The following FHIT variants were observed in gnomAD, a reference collection of about 807,000 sequenced individuals.
FHIT encodes the protein bis(5'-adenosyl)-triphosphatase.
A neutral mutation model predicts 17.9 loss-of-function variants in FHIT; 19 were observed. The ratio of observed to expected loss-of-function variants is 1.06; its 90% CI spans 0.74 to 1.56. The LOEUF (loss-of-function observed/expected upper bound fraction) is 1.56, where lower values mean the gene tolerates loss of function less well. Ranked by LOEUF, FHIT falls within the 40% of genes most tolerant of loss-of-function variation. The probability of loss-of-function intolerance (pLI) is 0.00; values close to 1 mark genes in which losing one functional copy is unlikely to be tolerated. For synonymous variants in FHIT, 81 were observed against 69.7 expected (o/e 1.16, Z -0.81); for missense variants, 248 against 189.2 (o/e 1.31, Z -1.82).
chr3:60,818,027 C>A (rs782583427), intron 4 of FHIT, among the ~76,000 whole-genome samples: 3 of 152,040 alleles, frequency 2.0e-5, no homozygotes, highest in Non-Finnish European at 4.4e-5. Context: ...TCCTTTGTTT[C>A]CTCCAGTTGC....
intron 5 of FHIT, among the ~76,000 whole-genome samples, chr3:60,478,474 A>G (rs2033452947): frequency 6.6e-6 from 1 of 152,196 alleles, no homozygotes; most frequent in Admixed American, 6.5e-5. Flanking sequence ...TGATTATGTC[A>G]TTTCTTAGTG....
intron 8 of FHIT, among the ~76,000 whole-genome samples, chr3:59,882,716 T>C (rs564886590): frequency 4.6e-5 from 7 of 152,190 alleles, no homozygotes; most frequent in Non-Finnish European, 7.3e-5. Context: ...ACAGATGCCC[T>C]GGCAAATGGT....
intron 5 of FHIT, among the ~76,000 whole-genome samples, chr3:60,270,212 G>A (rs1412178084): frequency 1.3e-5 from 2 of 152,184 alleles, no homozygotes; most frequent in African/African-American, 4.8e-5. Context: ...GCAGCAAACA[G>A]AGAAAAAGAA....
intron 3 of FHIT, among the ~76,000 whole-genome samples, chr3:60,943,884 C>A (rs1205653897): frequency 6.6e-6 from 1 of 152,102 alleles, no homozygotes; most frequent in African/African-American, 2.4e-5. Flanking sequence ...TATTTCTTTA[C>A]CTATAACATG....
In FHIT at chr3:60,677,646, A is replaced by G. The variant is rs73099237; in HGVS notation, c.-17-140667T>C. On this transcript the variant is annotated intron_variant, in intron 4 of 9. Transcript: ENST00000492590. ...TATGTATATGTGTATGTGTGTGTGT[A>G]TATATATACATATGTATACACTTAT... Among the ~76,000 whole-genome samples the G allele has an allele frequency of 8.5e-5, 8 of 93,724 alleles. No individual in the cohort carries two copies. The Admixed American group carries it at 8.6e-4, about 10-fold the overall frequency. The allele number at this position is 93,724 out of a possible 152,430, so 61.5% of individuals were successfully genotyped here.
rs571928548 is a variant in FHIT at position 59,897,827 on chromosome 3, C to T, written c.348+24519G>A. ...TGTTGCCCAGGCTGGAGTGCAGTGG[C>T]GCGATCTCGGCTCACTGCAAGCTCC... On this transcript the variant is annotated intron_variant, in intron 8 of 9. Coordinates refer to ENST00000492590, the MANE Select transcript of FHIT (RefSeq NM_002012.4). Among the ~76,000 whole-genome samples, 11 of 150,962 alleles carry T rather than the reference C, an allele frequency of 7.3e-5. No individual in the cohort carries two copies. The East Asian group carries it at 7.8e-4, about 11-fold the overall frequency.
At chr3:61,061,562 C>G (rs2034430289) in intron 2 of FHIT, among the ~76,000 whole-genome samples, 1 of 151,138 alleles carries the variant, frequency 6.6e-6, no homozygotes, top group African/African-American at 2.4e-5. Context: ...TCTAATTCTA[C>G]TTTTATTTAT....
At chr3:60,190,940 C>G (rs1443270954) in intron 5 of FHIT, among the ~76,000 whole-genome samples, 1 of 151,558 alleles carries the variant, frequency 6.6e-6, no homozygotes, top group East Asian at 1.9e-4. Flanking sequence ...GAGACTCCAT[C>G]TCAAAAAAAA....
chr3:61,089,695 AGTT>A (rs1305068266), intron 2 of FHIT, among the ~76,000 whole-genome samples: 1 of 152,208 alleles, frequency 6.6e-6, no homozygotes, highest in Non-Finnish European at 1.5e-5. Flanking sequence ...CTAGGATAGC[AGTT>A]GTCATTTCAA....
intron 3 of FHIT, among the ~76,000 whole-genome samples, chr3:60,954,305 T>A (rs575287094): frequency 3.9e-5 from 6 of 152,354 alleles, no homozygotes; most frequent in African/African-American, 1.4e-4. Context: ...ACTTGGCAGC[T>A]ACTTTTAAGA....
intron 3 of FHIT, among the ~76,000 whole-genome samples, chr3:60,939,723 CAAAAT>C (rs797025503): frequency 2.5e-4 from 38 of 152,026 alleles, no homozygotes; most frequent in African/African-American, 8.4e-4. Flanking sequence ...CCAAATAAAA[CAAAAT>C]AAGTTGTAAA....
At chr3:60,119,550 T>C (rs890363725) in intron 5 of FHIT, among the ~76,000 whole-genome samples, 2 of 152,148 alleles carry the variant, frequency 1.3e-5, no homozygotes, top group African/African-American at 4.8e-5. Context: ...GGGTATTGCA[T>C]ATTTATTGTT....
intron 5 of FHIT, among the ~76,000 whole-genome samples, chr3:60,391,889 C>T (rs989294855): frequency 2.0e-5 from 3 of 151,488 alleles, no homozygotes; most frequent in African/African-American, 7.3e-5. Flanking sequence ...GAGCCAAATG[C>T]TAATTAACTC....
intron 1 of FHIT, among the ~76,000 whole-genome samples, chr3:61,218,419 G>T (rs943924953): frequency 1.3e-5 from 2 of 152,174 alleles, no homozygotes; most frequent in African/African-American, 4.8e-5. Flanking sequence ...TTTGGAGTTG[G>T]TTAAGACAGA....
intron 3 of FHIT, among the ~76,000 whole-genome samples, chr3:60,836,833 AT>A (rs1359367715): frequency 1.3e-5 from 2 of 152,206 alleles, no homozygotes; most frequent in African/African-American, 4.8e-5. Context: ...GCATGCAAGA[AT>A]TGTACTAAGT....
chr3:60,572,917 A>G (rs1196051156), intron 4 of FHIT, among the ~76,000 whole-genome samples: 1 of 152,174 alleles, frequency 6.6e-6, no homozygotes, highest in Non-Finnish European at 1.5e-5. Context: ...ATGCTGCTAA[A>G]TGCTCAACAT....
chr3:60,913,813 T>A (rs1326078356), intron 3 of FHIT, among the ~76,000 whole-genome samples: 1 of 152,146 alleles, frequency 6.6e-6, no homozygotes, highest in Non-Finnish European at 1.5e-5. Flanking sequence ...TCTCTCCATG[T>A]CTTTGTTGTT....
intron 5 of FHIT, among the ~76,000 whole-genome samples, chr3:60,120,845 A>T (rs1475603413): frequency 1.3e-5 from 2 of 149,672 alleles, no homozygotes; most frequent in African/African-American, 4.9e-5. Flanking sequence ...CAGCTAAGTG[A>T]TTTTTTTTTT....
chr3:59,794,027 C>T (rs575565034), intron 8 of FHIT, among the ~76,000 whole-genome samples: 1 of 152,136 alleles, frequency 6.6e-6, no homozygotes, highest in Non-Finnish European at 1.5e-5. Flanking sequence ...CTGCCACATA[C>T]TCAGGCTATT....
Sources: gnomAD v4.1 joint callset for allele counts (sites outside exome capture counted in the v4.1 genomes callset) on GRCh38, gnomAD v4.1.1 for gene constraint, MANE v1.5 for transcripts, NCBI Gene and HGNC (gene_info 2026-07-23, HGNC 2026-07-21) for gene names.